Variants in GULP1 observed in about 807,000 individuals in gnomAD.
GULP1 encodes PTB domain-containing engulfment adapter protein 1.
In GULP1, 19 loss-of-function variants were observed where a neutral mutation model predicts 40.9. The ratio of observed to expected loss-of-function variants is 0.46; its 90% CI spans 0.32 to 0.68. The LOEUF (loss-of-function observed/expected upper bound fraction) is 0.68, where lower values mean the gene tolerates loss of function less well. Ranked by LOEUF, GULP1 falls within the 30% of genes least tolerant of loss-of-function variation. The pLI, the probability that GULP1 is intolerant of heterozygous loss-of-function variation, is 0.03. For missense variants in GULP1, 312 were observed against 362.2 expected (o/e 0.86, Z 1.12); for synonymous variants, 119 against 117.6 (o/e 1.01, Z -0.08).
At chr2:188,469,709 A>G (rs1277447070) in intron 2 of GULP1, among the ~76,000 whole-genome samples, 1 of 152,136 alleles carries the variant, frequency 6.6e-6, no homozygotes, top group Non-Finnish European at 1.5e-5. Flanking sequence ...TATGGTTTTT[A>G]TTATGTAGAA....
intron 7 of GULP1, among the ~76,000 whole-genome samples, chr2:188,544,809 T>TA (rs1691476102): frequency 6.6e-6 from 1 of 151,896 alleles, no homozygotes; most frequent in Admixed American, 6.6e-5. Flanking sequence ...TAAGCACCCT[T>TA]AAAAAACACT....
intron 1 of GULP1, among the ~76,000 whole-genome samples, chr2:188,361,868 C>G (rs984695763): frequency 6.6e-6 from 1 of 151,988 alleles, no homozygotes; most frequent in Non-Finnish European, 1.5e-5. Flanking sequence ...TACATTTTTT[C>G]TTAATTCAAA....
intron 4 of GULP1, among the ~76,000 whole-genome samples, chr2:188,485,598 T>C (rs1371176357): frequency 6.7e-6 from 1 of 150,094 alleles, no homozygotes; most frequent in Non-Finnish European, 1.5e-5. Flanking sequence ...AGAAAGTAGC[T>C]TGGCACAATA....
At chr2:188,385,345 G>A (rs959709999) in intron 2 of GULP1, among the ~76,000 whole-genome samples, 1 of 152,132 alleles carries the variant, frequency 6.6e-6, no homozygotes, top group East Asian at 1.9e-4. Context: ...GCCACTTTTA[G>A]TCATGGCTGG....
chr2:188,487,893 T>A (rs1178399517), intron 4 of GULP1, among the ~76,000 whole-genome samples: 1 of 151,964 alleles, frequency 6.6e-6, no homozygotes, highest in Non-Finnish European at 1.5e-5. Flanking sequence ...TGTGGCTTTC[T>A]CATCTTTACA....
At chr2:188,500,638 C>T (rs1380068878) in intron 4 of GULP1, among the ~76,000 whole-genome samples, 1 of 151,838 alleles carries the variant, frequency 6.6e-6, no homozygotes, top group Non-Finnish European at 1.5e-5. Flanking sequence ...ATAGAAATGC[C>T]TCTCTTAAGC....
rs1704289197 is a variant in GULP1, at chr2:188,595,493, A to C, written c.*1482A>C. On this transcript the variant is annotated 3_prime_UTR_variant, in exon 12 of 12. Coordinates refer to ENST00000409830, the MANE Select transcript of GULP1 (RefSeq NM_016315.4). Reference sequence around the variant, plus strand: ...TAGTTTCTTTTATCTGCTAAGTTGTACCTTAATTAGAGGGCAATATATGTT... The same window carrying C: ...TAGTTTCTTTTATCTGCTAAGTTGTCCCTTAATTAGAGGGCAATATATGTT... The C allele has an allele frequency of 6.6e-6, 1 of 152,108 alleles. No individual in the cohort carries two copies. The highest frequency in any genetic ancestry group is 2.4e-5 in the African/African-American group (1 of 41,398). 9.4% of individuals were successfully genotyped at this position (152,108 alleles called of 1,614,324 possible).
chr2:188,467,024 A>G (rs755404869), intron 2 of GULP1, among the ~76,000 whole-genome samples: 1 of 152,192 alleles, frequency 6.6e-6, no homozygotes, highest in African/African-American at 2.4e-5. Context: ...TGTTACCCTC[A>G]ATATTCATCC....
chr2:188,493,083 C>T (rs1044638695), intron 4 of GULP1, among the ~76,000 whole-genome samples: 15 of 152,176 alleles, frequency 9.9e-5, no homozygotes, highest in African/African-American at 3.1e-4. Context: ...GATAACCAAA[C>T]ACTTTATTTA....
At chr2:188,436,495 A>G (rs961923127) in intron 2 of GULP1, among the ~76,000 whole-genome samples, 3 of 152,062 alleles carry the variant, frequency 2.0e-5, no homozygotes, top group Non-Finnish European at 2.9e-5. Flanking sequence ...CCAAGTTCTC[A>G]TTATAGAAAC....
intron 4 of GULP1, among the ~76,000 whole-genome samples, chr2:188,497,079 G>A (rs185630076): frequency 6.6e-5 from 10 of 151,988 alleles, no homozygotes; most frequent in Admixed American, 2.0e-4. Context: ...ATAGCAGTGC[G>A]AGAACAGACT....
Position 188,501,246 on chromosome 2 carries a change from A to T in GULP1, c.90+17754A>T, listed in dbSNP as rs190898015. 2.9e-3 allele frequency among the ~76,000 whole-genome samples: 448 copies of T among 151,908 alleles called. 1 individual carries two copies. Among genetic ancestry groups the T allele is most frequent in the African/African-American group, 9.8e-3 (408 of 41,466 alleles). The stretch of plus-strand genomic sequence containing the variant: ...GGGCAGTTTCCCCCATGCTGTTCTC[A>T]TGATAGTGAGTTCTCATGAGATCTG... On this transcript the variant is annotated intron_variant, in intron 4 of 11. Transcript: ENST00000409830.
At chr2:188,328,599 G>A (rs541854329) in intron 1 of GULP1, among the ~76,000 whole-genome samples, 1 of 152,152 alleles carries the variant, frequency 6.6e-6, no homozygotes, top group South Asian at 2.1e-4. Flanking sequence ...CTGCCCTATG[G>A]TTTTATCTTT....
chr2:188,292,704 G>A lies in GULP1; in HGVS notation c.-172+538G>A, dbSNP rs1049671123. 1 of 152,706 alleles carries A rather than the reference G, an allele frequency of 6.5e-6. No individual in the cohort carries two copies. The highest frequency in any genetic ancestry group is 2.4e-5 in the African/African-American group (1 of 41,470). The allele number at this position is 152,706 out of a possible 1,614,324, so 9.5% of individuals were successfully genotyped here. ...GGCGCTGGGAGAGAATGTGGGCATG[G>A]GGGTGGGGAGGCGCGAAGCTCCGAG... On this transcript the variant is annotated intron_variant, in intron 1 of 11. Coordinates refer to ENST00000409830, the MANE Select transcript of GULP1 (RefSeq NM_016315.4). The surrounding 1 kb of genome is among the most constrained non-coding windows in gnomAD (Gnocchi z 4.0).
intron 1 of GULP1, among the ~76,000 whole-genome samples, chr2:188,348,647 A>G (rs1332685627): frequency 6.6e-6 from 1 of 152,216 alleles, no homozygotes; most frequent in Admixed American, 6.5e-5. Context: ...GAAGAGTTAC[A>G]GTGTTTTATT....
Position 188,362,354 on chromosome 2 carries a change from ACC to A in GULP1, c.-171-21408_-171-21407del, listed in dbSNP as rs1381687885. ...ACCATTTTGAGTGTGTGTGTAAAAC[ACC>A]TCATATGTTTCATAGAACTAGTGTT... On this transcript the variant is annotated intron_variant, in intron 1 of 11. Transcript: ENST00000409830. Among the ~76,000 whole-genome samples the A allele has an allele frequency of 2.2e-4, 33 of 152,208 alleles. 1 individual carries two copies. The highest frequency in any genetic ancestry group is 7.9e-4 in the African/African-American group (33 of 41,558).
chr2:188,582,553 C>T, intron 9 of GULP1: 1 of 470,398 alleles, frequency 2.1e-6, no homozygotes, highest in South Asian at 1.6e-5. Context: ...AGAGCAGCAT[C>T]CCAAGACCTC....
At chr2:188,546,709 A>G (rs890084545) in intron 7 of GULP1, among the ~76,000 whole-genome samples, 1 of 152,030 alleles carries the variant, frequency 6.6e-6, no homozygotes, top group Non-Finnish European at 1.5e-5. Flanking sequence ...AGATAAGATT[A>G]ATAAGAGAAG....
intron 2 of GULP1, among the ~76,000 whole-genome samples, chr2:188,443,760 C>T (rs1325636912): frequency 1.3e-5 from 2 of 150,290 alleles, no homozygotes; most frequent in Non-Finnish European, 3.0e-5. Flanking sequence ...GATCTCGGCT[C>T]ACTGCCACCT....
Sources: gnomAD v4.1 joint callset for allele counts (sites outside exome capture counted in the v4.1 genomes callset) on GRCh38, gnomAD v4.1.1 for gene constraint, Gnocchi (gnomAD v3.1) non-coding constraint, MANE v1.5 for transcripts, NCBI Gene and HGNC (gene_info 2026-07-23, HGNC 2026-07-21) for gene names.